The following SMCO4 variants were observed in gnomAD, a reference collection of about 807,000 sequenced individuals.
SMCO4 encodes single-pass membrane protein with coiled-coil domains 4.
SMCO4 carries 4 observed loss-of-function variants against 3.6 expected under a neutral mutation model. The ratio of observed to expected loss-of-function variants is 1.11; its 90% CI spans 0.54 to 2.53. The LOEUF is 2.53. SMCO4 is among the 30% of genes most tolerant of loss of function. SMCO4 has a pLI of 0.02. For missense variants in SMCO4, 70 were observed against 80.8 expected, an observed-to-expected ratio of 0.87 and a Z score of 0.51; for synonymous variants, 36 against 35.3, an observed-to-expected ratio of 1.02 and a Z score of -0.07.
chr11:93,505,429 T>G (rs1222003133), intron 1 of SMCO4, among the ~76,000 whole-genome samples: 1 of 152,228 alleles, frequency 6.6e-6, no homozygotes, highest in African/African-American at 2.4e-5. Flanking sequence ...TGTCTAACTT[T>G]AAGAAGTACT....
At chr11:93,512,313 T>A (rs927889178) in intron 1 of SMCO4, among the ~76,000 whole-genome samples, 3 of 152,184 alleles carry the variant, frequency 2.0e-5, no homozygotes, top group African/African-American at 7.2e-5. Flanking sequence ...TGTCCAATGA[T>A]GTCATGGCCA....
chr11:93,537,938 A>G (rs919039421), intron 1 of SMCO4: 1 of 152,510 alleles, frequency 6.6e-6, no homozygotes, highest in African/African-American at 2.4e-5. Context: ...CACAGCCCAA[A>G]TAAAGCCAGA....
intron 1 of SMCO4, among the ~76,000 whole-genome samples, chr11:93,538,718 T>A (rs1488838588): frequency 6.6e-6 from 1 of 152,194 alleles, no homozygotes; most frequent in Non-Finnish European, 1.5e-5. Context: ...TGGGAAGGGA[T>A]GATGCAATTC....
At chr11:93,496,921 TG>T (rs1948780764) in intron 2 of SMCO4, among the ~76,000 whole-genome samples, 1 of 152,238 alleles carries the variant, frequency 6.6e-6, no homozygotes, top group African/African-American at 2.4e-5. Flanking sequence ...GCTTACACTA[TG>T]GGGAGTAACC....
At chr11:93,506,967 A>G (rs1948910560) in intron 1 of SMCO4, among the ~76,000 whole-genome samples, 1 of 152,194 alleles carries the variant, frequency 6.6e-6, no homozygotes, top group African/African-American at 2.4e-5. Flanking sequence ...TCTTTCCTTG[A>G]AAGAATGACT....
intron 2 of SMCO4, among the ~76,000 whole-genome samples, chr11:93,485,134 T>C (rs1295326327): frequency 6.6e-6 from 1 of 152,270 alleles, no homozygotes; most frequent in Non-Finnish European, 1.5e-5. Context: ...TCTGTTTTAA[T>C]GTGGCTACTA....
chr11:93,549,243 T>G, the SMCO4 span, among the ~76,000 whole-genome samples: 1 of 152,198 alleles, frequency 6.6e-6, no homozygotes, highest in African/African-American at 2.4e-5. Flanking sequence ...TTGTTCTTAA[T>G]CCCTGTTTTA....
chr11:93,509,297 G>GA lies in SMCO4; in HGVS notation c.-153-9950dup, dbSNP rs34599036. On this transcript the variant is annotated intron_variant, in intron 1 of 2. Coordinates refer to ENST00000298966, the MANE Select transcript of SMCO4 (RefSeq NM_020179.3). Reference sequence around the variant, plus strand: ...AGAATGAGACCCTGACTCAAAAATGGAAAAAAAAAAAAAAAGTTGCTCACA... The same window carrying GA: ...AGAATGAGACCCTGACTCAAAAATGGAAAAAAAAAAAAAAAAGTTGCTCACA... 5.2e-3 allele frequency among the ~76,000 whole-genome samples: 728 copies of GA among 140,560 alleles called. 3 individuals carry two copies. Among genetic ancestry groups the GA allele is most frequent in the African/African-American group, 0.015 (550 of 37,844 alleles). The allele number at this position is 140,560 out of a possible 152,430, so 92.2% of individuals were successfully genotyped here. A position where few individuals can be genotyped will look rare whatever the true frequency, so the allele number is the denominator to read the frequency against.
chr11:93,508,497 T>C (rs1181657611), intron 1 of SMCO4, among the ~76,000 whole-genome samples: 2 of 152,142 alleles, frequency 1.3e-5, no homozygotes, highest in Non-Finnish European at 2.9e-5. Flanking sequence ...GAGAAGAATA[T>C]TAAAATGTAA....
chr11:93,549,981 C>T, the SMCO4 span, among the ~76,000 whole-genome samples: 1 of 152,092 alleles, frequency 6.6e-6, no homozygotes, highest in Admixed American at 6.5e-5. Flanking sequence ...GCTGTGAAAT[C>T]CCATATAAGG....
intron 1 of SMCO4, among the ~76,000 whole-genome samples, chr11:93,532,290 C>A (rs1393547628): frequency 6.6e-6 from 1 of 152,192 alleles, no homozygotes; most frequent in Non-Finnish European, 1.5e-5. Context: ...TAAAAGATAT[C>A]CAGATAGCTA....
At chr11:93,491,463 C>T (rs898467887) in intron 2 of SMCO4, among the ~76,000 whole-genome samples, 4 of 152,194 alleles carry the variant, frequency 2.6e-5, no homozygotes, top group Non-Finnish European at 5.9e-5. Flanking sequence ...TTCCGTGGCT[C>T]TCACTGATCC....
In SMCO4 at chr11:93,530,230, G is replaced by A. The variant is rs182509457; in HGVS notation, c.-154+13046C>T. 2.8e-3 allele frequency among the ~76,000 whole-genome samples: 433 copies of A among 152,282 alleles called. 1 individual carries two copies. Among genetic ancestry groups the A allele is most frequent in the African/African-American group, 0.01 (417 of 41,574 alleles). On this transcript the variant is annotated intron_variant, in intron 1 of 2. Coordinates refer to ENST00000298966, the MANE Select transcript of SMCO4 (RefSeq NM_020179.3). Reference sequence around the variant, plus strand: ...AAGGCTGAAGGGGTCGTGGGGGGAAGAGCCCACCAGTTCACACGTGTGAGG... The same window carrying A: ...AAGGCTGAAGGGGTCGTGGGGGGAAAAGCCCACCAGTTCACACGTGTGAGG...
Position 93,516,269 on chromosome 11 carries a change from G to C in SMCO4, c.-153-16921C>G, listed in dbSNP as rs569943035. ...CACCCCTGAAGAAGGGAGAATGCCG[G>C]TCCCAAAAGAAAGAAGGGGAGTCAG... On this transcript the variant is annotated intron_variant, in intron 1 of 2. Transcript: ENST00000298966. 5.9e-5 allele frequency among the ~76,000 whole-genome samples: 9 copies of C among 152,284 alleles called. 1 individual carries two copies. The South Asian group carries it at 1.9e-3, about 32-fold the overall frequency.
intron 1 of SMCO4, among the ~76,000 whole-genome samples, chr11:93,513,950 T>G (rs756342112): frequency 1.8e-4 from 27 of 151,990 alleles, no homozygotes; most frequent in Non-Finnish European, 3.2e-4. Flanking sequence ...TTAATTAGAG[T>G]CCATTTGCCC....
At chr11:93,506,358 C>T (rs977734452) in intron 1 of SMCO4, among the ~76,000 whole-genome samples, 2 of 151,836 alleles carry the variant, frequency 1.3e-5, no homozygotes, top group East Asian at 3.9e-4. Flanking sequence ...GCAGGTAAAA[C>T]AACTGGTGGC....
chr11:93,537,043 A>T (rs1204480942), intron 1 of SMCO4, among the ~76,000 whole-genome samples: 1 of 152,246 alleles, frequency 6.6e-6, no homozygotes, highest in Non-Finnish European at 1.5e-5. Flanking sequence ...TCCTACCCTG[A>T]ACCTGCTCAT....
chr11:93,546,816 A>T (rs545207645), upstream of SMCO4, among the ~76,000 whole-genome samples: 1 of 152,196 alleles, frequency 6.6e-6, no homozygotes, highest in Non-Finnish European at 1.5e-5. Flanking sequence ...GGTCTGGTGC[A>T]GCTTGCCCCT....
chr11:93,550,503 T>C, the SMCO4 span, among the ~76,000 whole-genome samples: 1 of 151,896 alleles, frequency 6.6e-6, no homozygotes, highest in African/African-American at 2.4e-5. Flanking sequence ...CTACAAAAAA[T>C]TTTAAAAAAT....
Sources: allele counts gnomAD v4.1 joint callset (sites outside exome capture counted in the v4.1 genomes callset), GRCh38; gene constraint gnomAD v4.1.1; transcripts MANE v1.5; gene names NCBI Gene and HGNC (gene_info 2026-07-23, HGNC 2026-07-21).